Variants in VWA8 observed in about 807,000 individuals in gnomAD.
The protein encoded by VWA8 is von Willebrand factor A domain-containing protein 8.
In VWA8, 221 loss-of-function variants were observed where a neutral mutation model predicts 241.5. The ratio of observed to expected loss-of-function variants is 0.91; its 90% CI spans 0.82 to 1.02. The LOEUF is 1.02. Ranked by LOEUF, VWA8 falls within the 50% of genes least tolerant of loss-of-function variation. The pLI is 0.00. For synonymous variants in VWA8, 852 were observed against 827.1 expected (o/e 1.03, Z -0.52); for missense variants, 2,322 against 2,328.7 (o/e 1.00, Z 0.06).
intron 37 of VWA8, 37 bp downstream of exon 37, chr13:41,670,909 G>A: frequency 2.5e-6 from 4 of 1,605,814 alleles, no homozygotes; most frequent in Non-Finnish European, 3.4e-6. Context: ...ATACTTGAAT[G>A]TGCACCTCTA....
intron 37 of VWA8, among the ~76,000 whole-genome samples, chr13:41,619,377 A>G (rs368326339): frequency 6.6e-6 from 1 of 152,180 alleles, no homozygotes; most frequent in Non-Finnish European, 1.5e-5. Context: ...GGGCTGAGAC[A>G]ATGGGGTTTT....
intron 9 of VWA8, among the ~76,000 whole-genome samples, chr13:41,871,104 T>C (rs1873582336): frequency 6.6e-6 from 1 of 152,134 alleles, no homozygotes; most frequent in Admixed American, 6.6e-5. Flanking sequence ...TCATAATGAT[T>C]CTACCTTCAA....
At chr13:41,891,913 C>T (rs1874866081) in intron 4 of VWA8, among the ~76,000 whole-genome samples, 1 of 152,132 alleles carries the variant, frequency 6.6e-6, no homozygotes, top group East Asian at 1.9e-4. Context: ...CATAATTAAA[C>T]AAGGGCACAG....
At position 41,707,050 on chromosome 13, in the gene VWA8, A is replaced by G. The variant is rs374547748; in HGVS notation, c.3117-3639T>C. ...GAAATGATAATAAGGATCTGGAAGT[A>G]AAAGTTTGGACTAAAAGAAAGGTGA... On this transcript the variant is annotated intron_variant, in intron 26 of 44. Transcript: ENST00000379310. Among the ~76,000 whole-genome samples, 87 of 152,392 alleles carry G rather than the reference A, an allele frequency of 5.7e-4. No individual in the cohort carries two copies. The East Asian group carries it at 7.9e-3, about 14-fold the overall frequency.
At chr13:41,634,485 T>G (rs1158868457) in intron 37 of VWA8, among the ~76,000 whole-genome samples, 1 of 152,134 alleles carries the variant, frequency 6.6e-6, no homozygotes, top group Non-Finnish European at 1.5e-5. Flanking sequence ...AAGTTTAATA[T>G]AGATAGAGTT....
At chr13:41,757,720 A>G (rs891623341) in intron 21 of VWA8, among the ~76,000 whole-genome samples, 1 of 151,704 alleles carries the variant, frequency 6.6e-6, no homozygotes, top group Non-Finnish European at 1.5e-5. Flanking sequence ...GCACTAGAAA[A>G]GGCTAGAAAT....
chr13:41,913,832 A>G (rs955189921), intron 2 of VWA8, among the ~76,000 whole-genome samples: 1 of 152,224 alleles, frequency 6.6e-6, no homozygotes, highest in African/African-American at 2.4e-5. Context: ...GTTTTTACAA[A>G]TCCTCTAAGA....
At position 41,590,759 on chromosome 13, in the gene VWA8, C is replaced by G. The variant is rs770228498; in HGVS notation, c.4993G>C (p.Gly1665Arg). Residue 1665 changes from glycine to arginine, a missense_variant, in exon 41 of 45, where the codon GGT becomes CGT. Transcript: ENST00000379310. Reference protein sequence around the residue: ...RIILDNLQAKGKERQWLRHQA... With the variant: ...RIILDNLQAKRKERQWLRHQA... ...TGTCTTAGCCATTGTCTTTCTTTAC[C>G]TTTAGCCTACAAAAGACACACATAC... is the stretch of plus-strand genomic sequence containing the variant. 1 of 1,613,836 alleles carries G rather than the reference C, an allele frequency of 6.2e-7. No individual in the cohort carries two copies. Among genetic ancestry groups the G allele is most frequent in the Admixed American group, 1.7e-5 (1 of 59,990 alleles).
chr13:41,959,695 G>C (rs1878522624), intron 1 of VWA8, among the ~76,000 whole-genome samples: 1 of 138,754 alleles, frequency 7.2e-6, no homozygotes, highest in African/African-American at 2.6e-5. Context: ...TCCGCCTCCC[G>C]GGTTCACGCC....
At chr13:41,826,924 A>G (rs1871199912) in intron 14 of VWA8, among the ~76,000 whole-genome samples, 1 of 152,146 alleles carries the variant, frequency 6.6e-6, no homozygotes, top group African/African-American at 2.4e-5. Flanking sequence ...TGGAATTGAT[A>G]AATATCATGT....
At chr13:41,819,149 A>G (rs1054330789) in intron 15 of VWA8, 69 bp downstream of exon 15, 79 of 1,469,286 alleles carry the variant, frequency 5.4e-5, no homozygotes, top group Middle Eastern at 2.2e-4. Context: ...CTACTTTGGC[A>G]TGTATCAGAG....
chr13:41,782,747 A>C (rs948352933), intron 19 of VWA8, among the ~76,000 whole-genome samples: 7 of 151,968 alleles, frequency 4.6e-5, no homozygotes, highest in African/African-American at 1.7e-4. Context: ...ATTATAGAAA[A>C]TTTTAAGTAG....
chr13:41,613,511 C>G lies in VWA8; in HGVS notation c.4720+1465G>C, dbSNP rs957689435. The stretch of plus-strand genomic sequence containing the variant: ...ATTTGAGCTGAAAGCTTCCTAGGTG[C>G]TGAGATGTTATCATTCTGGTGAAAG... On this transcript the variant is annotated intron_variant, in intron 38 of 44. Transcript: ENST00000379310. Among the ~76,000 whole-genome samples the G allele has an allele frequency of 2.0e-5, 3 of 152,234 alleles. No individual in the cohort carries two copies. The Middle Eastern group carries it at 0.01, about 518-fold the overall frequency.
chr13:41,689,229 A>AGTT, intron 34 of VWA8, 125 bp downstream of exon 34: 3 of 1,070,852 alleles, frequency 2.8e-6, no homozygotes, highest in Non-Finnish European at 3.9e-6. Context: ...TTTGGAAGGA[A>AGTT]GACTTGATCC....
At position 41,570,528 on chromosome 13, in the gene VWA8, CTTGTGAGGAT is replaced by C. The variant is rs768952329; in HGVS notation, c.5539_5548del (p.Ile1847GlufsTer5). The stretch of plus-strand genomic sequence containing the variant: ...GGCAAAAGCATTTACTTGAGGGTCT[CTTGTGAGGAT>C]TTGAGCAAACTTAGCAGGATGTATT... On this transcript the variant is annotated frameshift_variant, in exon 44 of 45. Transcript: ENST00000379310. LOFTEE classifies it high-confidence loss of function. 5.0e-6 allele frequency: 8 copies of C among 1,614,060 alleles called. No individual in the cohort carries two copies. The African/African-American group carries it at 1.1e-4, about 22-fold the overall frequency.
At chr13:41,928,680 G>A (rs1339402202) in intron 2 of VWA8, among the ~76,000 whole-genome samples, 11 of 151,222 alleles carry the variant, frequency 7.3e-5, no homozygotes, top group African/African-American at 1.9e-4. Context: ...TCAAGAACTC[G>A]AAAAAAAGAA....
At chr13:41,690,514 A>C (rs1181244788) in intron 32 of VWA8, among the ~76,000 whole-genome samples, 1 of 152,082 alleles carries the variant, frequency 6.6e-6, no homozygotes, top group African/African-American at 2.4e-5. Context: ...CTATAAGAGA[A>C]AGGGTTGTGG....
chr13:41,674,239 C>T (rs2045044969), intron 36 of VWA8, among the ~76,000 whole-genome samples: 2 of 152,104 alleles, frequency 1.3e-5, no homozygotes, highest in African/African-American at 4.8e-5. Context: ...TCATGCCGAG[C>T]TATCTTCTTC....
At chr13:41,637,563 T>TA (rs964235811) in intron 37 of VWA8, among the ~76,000 whole-genome samples, 3 of 148,422 alleles carry the variant, frequency 2.0e-5, no homozygotes, top group African/African-American at 2.5e-5. Flanking sequence ...TAAAGTATAA[T>TA]AAAAAAAAGA....
Sources: allele counts gnomAD v4.1 joint callset (sites outside exome capture counted in the v4.1 genomes callset), GRCh38; gene constraint gnomAD v4.1.1; transcripts MANE v1.5; gene names NCBI Gene and HGNC (gene_info 2026-07-23, HGNC 2026-07-21).